CDH12: variants seen among roughly 807,000 people sequenced by gnomAD.
CDH12 encodes cadherin 12, also known as cadherin-12.
Under a neutral mutation model 74.1 loss-of-function variants are expected in CDH12, and 41 were observed. The observed-to-expected ratio is 0.55, with a 90% CI of 0.43 to 0.72. The LOEUF (loss-of-function observed/expected upper bound fraction) is 0.72, where lower values mean the gene tolerates loss of function less well. CDH12 is among the 30% of genes least tolerant of loss of function. The pLI is 0.00. For missense variants in CDH12, 945 were observed against 977.2 expected, an observed-to-expected ratio of 0.97 and a Z score of 0.44; for synonymous variants, 399 against 355.0, an observed-to-expected ratio of 1.12 and a Z score of -1.39.
chr5:21,823,739 C>G (rs1263482330), intron 8 of CDH12, among the ~76,000 whole-genome samples: 1 of 151,930 alleles, frequency 6.6e-6, no homozygotes, highest in Non-Finnish European at 1.5e-5. Flanking sequence ...AGTTGGTGAC[C>G]TTGCCTTGTA....
chr5:22,275,064 G>T (rs1580470550), intron 3 of CDH12, among the ~76,000 whole-genome samples: 2 of 152,046 alleles, frequency 1.3e-5, no homozygotes, highest in Admixed American at 6.6e-5. Context: ...ATATGAGGTG[G>T]TAGCTCTTAG....
chr5:22,655,981 G>T (rs570816992), intron 1 of CDH12, among the ~76,000 whole-genome samples: 1 of 152,292 alleles, frequency 6.6e-6, no homozygotes, highest in South Asian at 2.1e-4. Flanking sequence ...TGGTGGAAGA[G>T]AAGTCAAACA....
At chr5:22,624,287 T>C (rs1280761073) in intron 1 of CDH12, among the ~76,000 whole-genome samples, 2 of 151,824 alleles carry the variant, frequency 1.3e-5, no homozygotes, top group African/African-American at 4.8e-5. Flanking sequence ...AAAGCAAAGG[T>C]AACGAAAGCC....
chr5:22,172,024 A>G (rs116618350), intron 4 of CDH12, among the ~76,000 whole-genome samples: 8,448 of 151,960 alleles, frequency 0.056, 258 homozygotes, highest in Non-Finnish European at 0.062. Context: ...AAGATATTTT[A>G]AGTTCATTGT....
At chr5:22,461,065 G>A (rs1314477160) in intron 2 of CDH12, among the ~76,000 whole-genome samples, 1 of 85,576 alleles carries the variant, frequency 1.2e-5, no homozygotes, top group African/African-American at 4.8e-5. Flanking sequence ...AGACAGTCTT[G>A]CTGGGTCACC....
intron 3 of CDH12, among the ~76,000 whole-genome samples, chr5:22,383,438 G>A (rs1378337814): frequency 6.6e-6 from 1 of 152,162 alleles, no homozygotes; most frequent in Admixed American, 6.5e-5. Context: ...TAAACATGGG[G>A]AAGGTCCTAT....
chr5:22,388,468 TA>T (rs1742095854), intron 3 of CDH12, among the ~76,000 whole-genome samples: 1 of 152,034 alleles, frequency 6.6e-6, no homozygotes, highest in Non-Finnish European at 1.5e-5. Context: ...TCATAAAGAT[TA>T]AGAAAACATA....
At chr5:22,203,132 C>T (rs1173424182) in intron 4 of CDH12, among the ~76,000 whole-genome samples, 1 of 152,066 alleles carries the variant, frequency 6.6e-6, no homozygotes, top group African/African-American at 2.4e-5. Flanking sequence ...TCTCTTGTAG[C>T]TATTTTGAAA....
intron 12 of CDH12, 68 bp downstream of exon 12, chr5:21,764,910 G>C: frequency 2.1e-6 from 3 of 1,451,528 alleles, no homozygotes; most frequent in Non-Finnish European, 2.9e-6. Context: ...ATTCATGTCT[G>C]GACTTATAAC....
chr5:21,831,038 C>CA, intron 8 of CDH12, among the ~76,000 whole-genome samples: 1 of 143,712 alleles, frequency 7.0e-6, no homozygotes, highest in Non-Finnish European at 1.5e-5. Context: ...GACTCTGTCT[C>CA]AAAAAAAGAA....
At chr5:22,514,601 G>A (rs1025762399) in intron 1 of CDH12, among the ~76,000 whole-genome samples, 1 of 152,138 alleles carries the variant, frequency 6.6e-6, no homozygotes, top group African/African-American at 2.4e-5. Context: ...TATCTGTTCT[G>A]AGGATGTATG....
Position 22,702,537 on chromosome 5 carries a change from T to C in CDH12, c.-523+150521A>G, listed in dbSNP as rs573749407. Among the ~76,000 whole-genome samples, 584 of 152,078 alleles carry C rather than the reference T, an allele frequency of 3.8e-3. 3 individuals are homozygous for C. Among genetic ancestry groups the C allele is most frequent in the African/African-American group, 0.014 (566 of 41,512 alleles). On this transcript the variant is annotated intron_variant, in intron 1 of 14. Transcript: ENST00000382254. Reference sequence around the variant, plus strand: ...TCTCTTGGAATCTCTTCCTCTCTCTTCCCCTTCTCCTTGATCTATTTTGAC... The same window carrying C: ...TCTCTTGGAATCTCTTCCTCTCTCTCCCCCTTCTCCTTGATCTATTTTGAC...
chr5:22,639,884 C>T (rs538034408), intron 1 of CDH12, among the ~76,000 whole-genome samples: 6 of 152,132 alleles, frequency 3.9e-5, no homozygotes, highest in South Asian at 2.1e-4. Context: ...GAGTGACTTA[C>T]AGTCAACCTA....
intron 1 of CDH12, among the ~76,000 whole-genome samples, chr5:22,548,528 G>T (rs1738428036): frequency 6.6e-6 from 1 of 151,786 alleles, no homozygotes; most frequent in Non-Finnish European, 1.5e-5. Flanking sequence ...CAAATAACAT[G>T]AAAGTTCCCA....
At chr5:22,737,774 A>T (rs1437851139) in intron 1 of CDH12, among the ~76,000 whole-genome samples, 1 of 152,074 alleles carries the variant, frequency 6.6e-6, no homozygotes, top group Non-Finnish European at 1.5e-5. Flanking sequence ...GGAAACAGAC[A>T]TATTCTTTGT....
At position 22,375,076 on chromosome 5, in the gene CDH12, A is replaced by C. The variant is rs191721779; in HGVS notation, c.-333+30181T>G. ...ATATTATAAAGCTATAATAATCAAAACAGCTTCACATTGGTATAAAAACAG... is the reference window on the plus strand; with the variant it reads ...ATATTATAAAGCTATAATAATCAAACCAGCTTCACATTGGTATAAAAACAG... On this transcript the variant is annotated intron_variant, in intron 3 of 14. Coordinates refer to ENST00000382254, the MANE Select transcript of CDH12 (RefSeq NM_004061.5). Among the ~76,000 whole-genome samples the C allele has an allele frequency of 3.9e-5, 6 of 152,272 alleles. No individual in the cohort carries two copies. The East Asian group carries it at 1.2e-3, about 29-fold the overall frequency.
intron 5 of CDH12, among the ~76,000 whole-genome samples, chr5:22,050,550 T>A (rs1234251018): frequency 6.6e-6 from 1 of 152,164 alleles, no homozygotes; most frequent in African/African-American, 2.4e-5. Flanking sequence ...TTACTATGTC[T>A]AAAAGTTAGA....
intron 2 of CDH12, among the ~76,000 whole-genome samples, chr5:22,489,518 C>T (rs1314824282): frequency 6.6e-6 from 1 of 151,930 alleles, no homozygotes; most frequent in Non-Finnish European, 1.5e-5. Flanking sequence ...GGCATGATTT[C>T]AGTCGCAATT....
intron 6 of CDH12, among the ~76,000 whole-genome samples, chr5:21,908,162 A>G (rs1205667774): frequency 6.6e-6 from 1 of 152,216 alleles, no homozygotes; most frequent in Non-Finnish European, 1.5e-5. Flanking sequence ...TGTTAACAGT[A>G]GAATTATAGC....
Sources: allele counts gnomAD v4.1 joint callset (sites outside exome capture counted in the v4.1 genomes callset), GRCh38; gene constraint gnomAD v4.1.1; transcripts MANE v1.5; gene names NCBI Gene and HGNC (gene_info 2026-07-23, HGNC 2026-07-21).